ABCA9: variants seen among roughly 807,000 people sequenced by gnomAD.
ABCA9 encodes the protein ATP binding cassette subfamily A member 9, also known as ATP-binding cassette sub-family A member 9.
Under a neutral mutation model 205.3 loss-of-function variants are expected in ABCA9, and 183 were observed. The observed-to-expected ratio is 0.89, with a 90% CI of 0.79 to 1.01. ABCA9 has a LOEUF of 1.01. ABCA9 is among the 50% of genes least tolerant of loss of function. The probability of loss-of-function intolerance (pLI) is 0.00; values close to 1 mark genes in which losing one functional copy is unlikely to be tolerated. For missense variants in ABCA9, 1,805 were observed against 1,912.4 expected (o/e 0.94, Z 1.05); for synonymous variants, 651 against 683.3 (o/e 0.95, Z 0.74).
the ABCA9 span, among the ~76,000 whole-genome samples, chr17:69,076,800 AG>A: frequency 6.6e-6 from 1 of 152,076 alleles, no homozygotes; most frequent in African/African-American, 2.4e-5. Flanking sequence ...GTGTGCATAG[AG>A]GTGTTCATAA....
At chr17:69,063,358 G>A (rs1270696430), upstream of ABCA9, among the ~76,000 whole-genome samples, 2 of 152,148 alleles carry the variant, frequency 1.3e-5, no homozygotes, top group East Asian at 1.9e-4. Context: ...TTTGTAAGGA[G>A]GACTTGTCAC....
At chr17:69,053,972 T>C (rs1567976339) in intron 1 of ABCA9, among the ~76,000 whole-genome samples, 1 of 152,106 alleles carries the variant, frequency 6.6e-6, no homozygotes, top group African/African-American at 2.4e-5. Flanking sequence ...GGAGCAAAAA[T>C]AAGAATTTTA....
intron 25 of ABCA9, among the ~76,000 whole-genome samples, chr17:68,999,746 G>A (rs1341481233): frequency 6.6e-6 from 1 of 152,148 alleles, no homozygotes; most frequent in African/African-American, 2.4e-5. Context: ...CCCACCAACA[G>A]TGTAAAAGTG....
chr17:69,039,073 C>G (rs980886293), intron 6 of ABCA9, among the ~76,000 whole-genome samples: 2 of 152,146 alleles, frequency 1.3e-5, no homozygotes, highest in Non-Finnish European at 2.9e-5. Context: ...AGGACACAAA[C>G]AAATGGAAAA....
chr17:69,033,394 A>G (rs1598396517), intron 9 of ABCA9: 3 of 166,688 alleles, frequency 1.8e-5, no homozygotes, highest in African/African-American at 4.8e-5. Flanking sequence ...CCACTATTGT[A>G]TATCAAGTGA....
chr17:68,995,917 C>T lies in ABCA9; in HGVS notation c.3533G>A (p.Gly1178Asp), dbSNP rs762341894. The T allele has an allele frequency of 5.6e-6, 9 of 1,613,480 alleles. No homozygotes were observed. The highest frequency in any genetic ancestry group is 1.3e-5 in the African/African-American group (1 of 74,860). The change falls in exon 26 of 39, where the codon GGC (glycine) becomes GAC (aspartate). Residue 1178 changes from glycine to aspartate, a missense_variant. Gly to Asp is a moderately conservative substitution (Grantham distance 94, BLOSUM62 -1). Coordinates refer to ENST00000340001, the MANE Select transcript of ABCA9 (RefSeq NM_080283.4). ...TMLIPPFTLI[G>D]SLFIFSEISP... is the part of the protein sequence containing the mutation. The stretch of plus-strand genomic sequence containing the variant: ...TACCTCAGAAAAAATGAATAGAGAG[C>T]CAATCAATGTGAAGGGAGGTATTAA...
At chr17:69,036,871 C>CA (rs781565554) in intron 6 of ABCA9, among the ~76,000 whole-genome samples, 56 of 4,714 alleles carry the variant, frequency 0.012, 19 homozygotes, top group African/African-American at 0.021. Context: ...AAATGGAAAG[C>CA]AAAAAAAAAA....
intron 5 of ABCA9, among the ~76,000 whole-genome samples, chr17:69,043,966 C>CA: frequency 6.6e-6 from 1 of 152,272 alleles, no homozygotes; most frequent in East Asian, 1.9e-4. Context: ...CTTCAATTAG[C>CA]AAATTTTCCC....
the ABCA9 span, among the ~76,000 whole-genome samples, chr17:69,069,083 T>C: frequency 1.3e-5 from 2 of 152,180 alleles, no homozygotes; most frequent in African/African-American, 2.4e-5. Flanking sequence ...ACCTCCAACA[T>C]GTAAAGAGCG....
intron 1 of ABCA9, chr17:69,051,457 T>G (rs1377545845): frequency 7.4e-6 from 2 of 269,600 alleles, no homozygotes; most frequent in Non-Finnish European, 1.4e-5. Context: ...AAAGGAACTT[T>G]CCGCCTTGTT....
chr17:69,059,374 G>T (rs1187799630), intron 1 of ABCA9, among the ~76,000 whole-genome samples: 3 of 152,008 alleles, frequency 2.0e-5, no homozygotes, highest in Non-Finnish European at 4.4e-5. Context: ...TAATCACAAG[G>T]GTGCTAAAAA....
At chr17:69,026,312 C>A in intron 16 of ABCA9, 65 bp downstream of exon 16, 2 of 1,323,766 alleles carry the variant, frequency 1.5e-6, no homozygotes, top group Non-Finnish European at 2.2e-6. Flanking sequence ...CACATTGATG[C>A]TGATACCACC....
At chr17:69,038,924 TAGAC>T (rs971767003) in intron 6 of ABCA9, among the ~76,000 whole-genome samples, 16 of 151,372 alleles carry the variant, frequency 1.1e-4, no homozygotes, top group Non-Finnish European at 1.9e-4. Flanking sequence ...ACACCAATAA[TAGAC>T]AGACTGCCAA....
intron 28 of ABCA9, among the ~76,000 whole-genome samples, chr17:68,991,321 G>A (rs571061927): frequency 1.2e-4 from 18 of 152,196 alleles, no homozygotes; most frequent in African/African-American, 3.9e-4. Flanking sequence ...GAATTCTGAG[G>A]TCTTTGTGAG....
At chr17:69,064,611 G>C (rs896837933), upstream of ABCA9, among the ~76,000 whole-genome samples, 2 of 152,156 alleles carry the variant, frequency 1.3e-5, no homozygotes, top group African/African-American at 4.8e-5. Context: ...ATAAATTTAG[G>C]TTTGGGGTGG....
At chr17:69,005,117 T>C (rs2070078386) in intron 25 of ABCA9, among the ~76,000 whole-genome samples, 1 of 152,206 alleles carries the variant, frequency 6.6e-6, no homozygotes, top group African/African-American at 2.4e-5. Context: ...AGACCGGAGC[T>C]GTTCCTATTC....
chr17:69,036,398 A>G (rs1213986285), intron 6 of ABCA9, among the ~76,000 whole-genome samples: 4 of 152,102 alleles, frequency 2.6e-5, no homozygotes, highest in Admixed American at 6.6e-5. Flanking sequence ...TTTCCCAAGC[A>G]TTTATAAATG....
At chr17:68,979,978 A>G (rs1282058299) in intron 37 of ABCA9, among the ~76,000 whole-genome samples, 1 of 152,186 alleles carries the variant, frequency 6.6e-6, no homozygotes. Flanking sequence ...AAAAGAAACT[A>G]CCATCAGAGT....
intron 3 of ABCA9, 73 bp from the exon 4 acceptor site, chr17:69,045,409 G>A (rs1419804714): frequency 1.4e-6 from 2 of 1,392,796 alleles, no homozygotes; most frequent in Non-Finnish European, 1.9e-6. Flanking sequence ...ATTATGTTGA[G>A]GTTATTTTAT....
Sources: gnomAD v4.1 joint callset for allele counts (sites outside exome capture counted in the v4.1 genomes callset) on GRCh38, gnomAD v4.1.1 for gene constraint, MANE v1.5 for transcripts, NCBI Gene and HGNC (gene_info 2026-07-23, HGNC 2026-07-21) for gene names.